The following TNK2 variants were observed in gnomAD, a reference collection of about 807,000 sequenced individuals.
TNK2 encodes tyrosine kinase non receptor 2.
A neutral mutation model predicts 101.8 loss-of-function variants in TNK2; 83 were observed. That is an observed-to-expected ratio of 0.82 (90% CI 0.68 to 0.98). TNK2 has a LOEUF of 0.98. Ranked by LOEUF, TNK2 falls within the 50% of genes least tolerant of loss-of-function variation. TNK2 has a pLI of 0.00. For synonymous variants in TNK2, 804 were observed against 633.0 expected (o/e 1.27, Z -4.06); for missense variants, 1,665 against 1,483.2 (o/e 1.12, Z -2.01).
At chr3:195,902,975 C>T (rs1435820886) in intron 1 of TNK2, among the ~76,000 whole-genome samples, 7 of 151,592 alleles carry the variant, frequency 4.6e-5, no homozygotes, top group African/African-American at 1.7e-4. Flanking sequence ...GTCTTGAACT[C>T]GTGACCTCAG....
In TNK2 at chr3:195,882,397, G is replaced by T. The variant is rs754320032; in HGVS notation, c.610-69C>A. The T allele has an allele frequency of 6.3e-7, 1 of 1,591,738 alleles. No individual in the cohort carries two copies. The highest frequency in any genetic ancestry group is 8.6e-7 in the Non-Finnish European group (1 of 1,167,390). ...GCCCCTTCTCAGCAGCCCACGCTGG[G>T]CCCCCAGTCCCCTTCCTGAAGGCTT... On this transcript the variant is annotated intron_variant, in intron 5 of 15. Coordinates refer to ENST00000672887, the MANE Select transcript of TNK2 (RefSeq NM_001382273.1). This position sits in a 1 kb window ranked among gnomAD's most constrained non-coding sequence, Gnocchi z 4.2.
Position 195,885,622 on chromosome 3 carries a change from T to C in TNK2, c.235-589A>G, listed in dbSNP as rs1242827489. ...TGGTTCAGATGAAGCTAGTCCTTGCTGGGAAGGGGCCTGGGAAGACAGCTG... is the reference window on the plus strand; with the variant it reads ...TGGTTCAGATGAAGCTAGTCCTTGCCGGGAAGGGGCCTGGGAAGACAGCTG... On this transcript the variant is annotated intron_variant, in intron 3 of 15. Transcript: ENST00000672887. The surrounding 1 kb of genome is among the most constrained non-coding windows in gnomAD (Gnocchi z 4.7). 1.6e-6 allele frequency: 2 copies of C among 1,283,170 alleles called. No individual in the cohort carries two copies. The highest frequency in any genetic ancestry group is 2.0e-6 in the Non-Finnish European group (2 of 983,052). 79.5% of individuals were successfully genotyped at this position (1,283,170 alleles called of 1,614,324 possible).
At position 195,882,301 on chromosome 3, in the gene TNK2, A is replaced by G. The variant is rs1463031275; in HGVS notation, c.637T>C (p.Leu213=). The G allele has an allele frequency of 1.2e-6, 2 of 1,613,168 alleles. No homozygotes were observed. Among genetic ancestry groups the G allele is most frequent in the South Asian group, 1.1e-5 (1 of 91,070 alleles). ...MVTELAPLGS[L]LDRLRKHQGH... is the part of the protein sequence containing the mutation. ...TGGTGCTTACGTAGCCGGTCCAACA[A>G]CGATCCCAGAGGTGCCAGCTCTGTC... Residue 213 remains leucine (L), a synonymous_variant, in exon 6 of 16, where the codon TTG becomes CTG. Coordinates refer to ENST00000672887, the MANE Select transcript of TNK2 (RefSeq NM_001382273.1). The surrounding 1 kb of genome is among the most constrained non-coding windows in gnomAD (Gnocchi z 4.2).
chr3:195,891,663 C>CT (rs1553915867), intron 1 of TNK2, among the ~76,000 whole-genome samples: 1 of 152,102 alleles, frequency 6.6e-6, no homozygotes, highest in Non-Finnish European at 1.5e-5. Context: ...GTGACCCCCC[C>CT]CCTCCAGGGC....
At chr3:195,898,109 T>A (rs1760832343) in intron 1 of TNK2, among the ~76,000 whole-genome samples, 1 of 151,894 alleles carries the variant, frequency 6.6e-6, no homozygotes, top group Non-Finnish European at 1.5e-5. Flanking sequence ...TGCGCTCCTG[T>A]ATCCCGCTGA....
At chr3:195,874,388 G>A (rs1267857984) in intron 9 of TNK2, among the ~76,000 whole-genome samples, 1 of 152,220 alleles carries the variant, frequency 6.6e-6, no homozygotes, top group African/African-American at 2.4e-5. Flanking sequence ...TATGGCCGAG[G>A]CAAGAGCCCC....
rs1328520056 is a variant in TNK2, at chr3:195,888,630, G to A, written c.-18-24C>T. On this transcript the variant is annotated intron_variant, in intron 1 of 15. Coordinates refer to ENST00000672887, the MANE Select transcript of TNK2 (RefSeq NM_001382273.1). This position sits in a 1 kb window ranked among gnomAD's most constrained non-coding sequence, Gnocchi z 5.3. ...CTCTGTGGGGGGAGGAGTGGCTCAG[G>A]GACAAGGGTTGTGGGGGGACAACAG... 6.3e-7 allele frequency: 1 copy of A among 1,593,832 alleles called. No individual in the cohort carries two copies.
chr3:195,906,822 TG>T (rs1211737710), intron 1 of TNK2, among the ~76,000 whole-genome samples: 3 of 151,736 alleles, frequency 2.0e-5, no homozygotes, highest in Non-Finnish European at 4.4e-5. Context: ...AAGCACAAGG[TG>T]GGGGCTAATC....
At chr3:195,883,087 G>C in intron 5 of TNK2, 70 bp downstream of exon 5, 1 of 1,566,014 alleles carries the variant, frequency 6.4e-7, no homozygotes, top group Non-Finnish European at 8.6e-7. Flanking sequence ...AGGATGGAGA[G>C]AGGAACCGAA....
At chr3:195,884,183 T>C (rs1011204624) in intron 4 of TNK2, 5 of 152,168 alleles carry the variant, frequency 3.3e-5, no homozygotes, top group African/African-American at 7.2e-5. Flanking sequence ...TATCCAGAAT[T>C]TGTATCTTAA....
rs1026907990 is a variant in TNK2 at position 195,876,724 on chromosome 3, G to A, written c.1256+1529C>T. On this transcript the variant is annotated intron_variant, in intron 9 of 15. Transcript: ENST00000672887. Reference sequence around the variant, plus strand: ...CCAGCAGCAGCCACAGGGAACCAGCGGCTGGGGCCAACGGGGGCCTTCGAC... The same window carrying A: ...CCAGCAGCAGCCACAGGGAACCAGCAGCTGGGGCCAACGGGGGCCTTCGAC... The A allele has an allele frequency of 7.2e-5, 32 of 442,810 alleles. No individual in the cohort carries two copies. In the East Asian group the frequency reaches 7.7e-4, roughly 11 times the overall value. 27.4% of individuals were successfully genotyped at this position (442,810 alleles called of 1,614,324 possible). A position where few individuals can be genotyped will look rare whatever the true frequency, so the allele number is the denominator to read the frequency against.
rs748459222 is a variant in TNK2, at chr3:195,869,285, C to T, written c.1588+212G>A. The T allele has an allele frequency of 5.7e-5, 35 of 617,578 alleles. 2 individuals are homozygous for T. In the South Asian group the frequency reaches 6.5e-4, roughly 11 times the overall value. 38.3% of individuals were successfully genotyped at this position (617,578 alleles called of 1,614,324 possible). A position where few individuals can be genotyped will look rare whatever the true frequency, so the allele number is the denominator to read the frequency against. The stretch of plus-strand genomic sequence containing the variant: ...GGAGGGAGTGAGGCCGAGGCGGAAG[C>T]CAGGGCCACACTCGTGAGCAGAAGC... On this transcript the variant is annotated intron_variant, in intron 12 of 15. Transcript: ENST00000672887.
chr3:195,876,705 G>GTTGTGGCCTCCTGCCCCT, intron 9 of TNK2: 1 of 450,624 alleles, frequency 2.2e-6, no homozygotes, highest in Admixed American at 2.4e-5. Flanking sequence ...CCCACCAGCA[G>GTTGTGGCCTCCTGCCCCT]CAGCCACAGG....
chr3:195,904,854 A>G (rs1406857392), intron 1 of TNK2, among the ~76,000 whole-genome samples: 1 of 152,226 alleles, frequency 6.6e-6, no homozygotes, highest in Admixed American at 6.5e-5. Flanking sequence ...AGTAAACAAA[A>G]CCTAGACAAA....
In TNK2 at chr3:195,882,645, G is replaced by A. The variant is rs944276039; in HGVS notation, c.610-317C>T. ...GGCCGAGGTGGGTGGATCATTTGAG[G>A]TCAGGAGTTTGAGACCAGCCTGGCC... On this transcript the variant is annotated intron_variant, in intron 5 of 15. Transcript: ENST00000672887. The surrounding 1 kb of genome is among the most constrained non-coding windows in gnomAD (Gnocchi z 4.2). The A allele has an allele frequency of 3.5e-4, 287 of 822,416 alleles. No individual in the cohort carries two copies. Among genetic ancestry groups the A allele is most frequent in the Admixed American group, 3.9e-4 (16 of 40,976 alleles). 50.9% of individuals were successfully genotyped at this position (822,416 alleles called of 1,614,324 possible). A position where few individuals can be genotyped will look rare whatever the true frequency, so the allele number is the denominator to read the frequency against.
Position 195,885,451 on chromosome 3 carries a change from T to A in TNK2, c.235-418A>T, listed in dbSNP as rs1755193255. 2 of 1,314,250 alleles carry A rather than the reference T, an allele frequency of 1.5e-6. No individual in the cohort carries two copies. The highest frequency in any genetic ancestry group is 2.0e-6 in the Non-Finnish European group (2 of 1,005,836). 81.4% of individuals were successfully genotyped at this position (1,314,250 alleles called of 1,614,324 possible). On this transcript the variant is annotated intron_variant, in intron 3 of 15. Coordinates refer to ENST00000672887, the MANE Select transcript of TNK2 (RefSeq NM_001382273.1). The surrounding 1 kb of genome is among the most constrained non-coding windows in gnomAD (Gnocchi z 4.7). ...GCCGCAGGGGCCCTCCACAGACACC[T>A]CCTTGTCCATTTTTAGCCCTGGCCC...
At chr3:195,897,584 C>T (rs1470665777) in intron 1 of TNK2, among the ~76,000 whole-genome samples, 1 of 152,196 alleles carries the variant, frequency 6.6e-6, no homozygotes, top group Non-Finnish European at 1.5e-5. Context: ...TCACTGCAAC[C>T]TCTGCCTCGC....
Position 195,867,591 on chromosome 3 carries a change from G to A in TNK2, c.2707C>T (p.Leu903=), listed in dbSNP as rs753328003. 1.3e-6 allele frequency: 2 copies of A among 1,590,546 alleles called. No individual in the cohort carries two copies. Among genetic ancestry groups the A allele is most frequent in the South Asian group, 2.2e-5 (2 of 90,144 alleles). ...EAQSPEEPTP[L]PVPLLLPPPS... Reference sequence around the variant, plus strand: ...GGGGGCAGCAGCAGAGGCACAGGCAGGGGGGTAGGCTCCTCGGGGCTCTGG... The same window carrying A: ...GGGGGCAGCAGCAGAGGCACAGGCAAGGGGGTAGGCTCCTCGGGGCTCTGG... Residue 903 remains leucine, a synonymous_variant, in exon 13 of 16, where the codon CTG becomes TTG. Transcript: ENST00000672887.
chr3:195,883,595 G>A (rs1422704808), intron 4 of TNK2: 4 of 362,862 alleles, frequency 1.1e-5, no homozygotes, highest in Non-Finnish European at 1.0e-5. Context: ...AGTATGATGA[G>A]AGAATATTCA....
Sources: allele counts gnomAD v4.1 joint callset (sites outside exome capture counted in the v4.1 genomes callset), GRCh38; gene constraint gnomAD v4.1.1; non-coding constraint Gnocchi (gnomAD v3.1); transcripts MANE v1.5; gene names NCBI Gene and HGNC (gene_info 2026-07-23, HGNC 2026-07-21).